Variants in PLEKHA5 observed in about 807,000 individuals in gnomAD.
PLEKHA5 encodes the protein pleckstrin homology domain-containing family A member 5.
In PLEKHA5, 55 loss-of-function variants were observed where a neutral mutation model predicts 181.9. The ratio of observed to expected loss-of-function variants is 0.30; its 90% CI spans 0.24 to 0.38. The LOEUF (loss-of-function observed/expected upper bound fraction) is 0.38. PLEKHA5 is among the 10% of genes least tolerant of loss of function. PLEKHA5 has a pLI of 1.00. For synonymous variants in PLEKHA5, 535 were observed against 529.4 expected, an observed-to-expected ratio of 1.01 and a Z score of -0.15; for missense variants, 1,432 against 1,549.5, an observed-to-expected ratio of 0.92 and a Z score of 1.27.
intron 3 of PLEKHA5, among the ~76,000 whole-genome samples, chr12:19,158,551 G>T (rs2042300491): frequency 6.6e-6 from 1 of 151,908 alleles, no homozygotes; most frequent in South Asian, 2.1e-4. Flanking sequence ...TCCACTGACT[G>T]TGGTTTTCCA....
At chr12:19,163,426 C>G (rs2043461815) in intron 3 of PLEKHA5, among the ~76,000 whole-genome samples, 1 of 152,130 alleles carries the variant, frequency 6.6e-6, no homozygotes, top group Non-Finnish European at 1.5e-5. Flanking sequence ...ATCCGCCCAC[C>G]TCGGCCTACC....
intron 3 of PLEKHA5, among the ~76,000 whole-genome samples, chr12:19,158,009 A>G (rs1005007508): frequency 1.3e-5 from 2 of 152,126 alleles, no homozygotes; most frequent in African/African-American, 4.8e-5. Context: ...TAATACAGCT[A>G]TTGCCATAAA....
intron 3 of PLEKHA5, among the ~76,000 whole-genome samples, chr12:19,199,368 C>T (rs1320594043): frequency 6.6e-6 from 1 of 152,146 alleles, no homozygotes; most frequent in African/African-American, 2.4e-5. Context: ...CATGTAGTGT[C>T]ATTACTTCAT....
intron 3 of PLEKHA5, chr12:19,152,810 T>C (rs1269744968): frequency 6.6e-6 from 1 of 152,150 alleles, no homozygotes; most frequent in Non-Finnish European, 1.5e-5. Context: ...AGGAGTGTAA[T>C]TGAAGTTGTA....
At chr12:19,188,093 G>GA (rs1384290066) in intron 3 of PLEKHA5, among the ~76,000 whole-genome samples, 7 of 152,094 alleles carry the variant, frequency 4.6e-5, no homozygotes, top group African/African-American at 1.2e-4. Flanking sequence ...ATGAAAAATA[G>GA]AAAAAAATGA....
chr12:19,366,701 A>G (rs2095432863), intron 30 of PLEKHA5, among the ~76,000 whole-genome samples: 1 of 152,174 alleles, frequency 6.6e-6, no homozygotes, highest in Admixed American at 6.6e-5. Context: ...ATCTGTTCTC[A>G]GGGCTAGATT....
chr12:19,255,142 C>T lies in PLEKHA5; in HGVS notation c.409C>T (p.His137Tyr), dbSNP rs557635739. The change falls in exon 5 of 32, where the codon CAT becomes TAT. Residue 137 changes from histidine (H) to tyrosine (Y), a missense_variant. His to Tyr is a moderately conservative substitution (Grantham distance 83). This residue lies in a region of PLEKHA5 where 289 missense variants were observed against 381.1 expected (regional missense o/e 0.76). Transcript: ENST00000429027. ...NYNVTSDYAV[H>Y]PMSPVGRTSR... is the part of the protein sequence containing the mutation. ...TAACGTGACTTCAGATTATGCAGTG[C>T]ATCCAATGAGCCCTGTAGGCAGAGT... is the stretch of plus-strand genomic sequence containing the variant. 6.2e-7 allele frequency: 1 copy of T among 1,604,004 alleles called. No individual in the cohort carries two copies. The highest frequency in any genetic ancestry group is 1.1e-5 in the South Asian group (1 of 89,794).
intron 3 of PLEKHA5, among the ~76,000 whole-genome samples, chr12:19,213,326 A>C (rs926910603): frequency 6.6e-6 from 1 of 151,992 alleles, no homozygotes; most frequent in Non-Finnish European, 1.5e-5. Flanking sequence ...ATTGCTAAGC[A>C]GAAAAGCAGG....
chr12:19,169,923 C>T (rs2045504433), intron 3 of PLEKHA5, among the ~76,000 whole-genome samples: 1 of 152,150 alleles, frequency 6.6e-6, no homozygotes, highest in South Asian at 2.1e-4. Flanking sequence ...ATTCCCGACT[C>T]AATGGTGTGC....
At chr12:19,259,089 G>A (rs1248044177) in intron 6 of PLEKHA5, among the ~76,000 whole-genome samples, 1 of 151,792 alleles carries the variant, frequency 6.6e-6, no homozygotes, top group African/African-American at 2.4e-5. Flanking sequence ...TAGTACAGTG[G>A]TTCACGCCTG....
chr12:19,158,147 T>C (rs1277918867), intron 3 of PLEKHA5, among the ~76,000 whole-genome samples: 4 of 151,960 alleles, frequency 2.6e-5, no homozygotes, highest in Non-Finnish European at 4.4e-5. Flanking sequence ...GGTCAGGAGA[T>C]CGAGACCATT....
At chr12:19,152,727 C>T (rs546920185) in intron 3 of PLEKHA5, 5 of 152,158 alleles carry the variant, frequency 3.3e-5, no homozygotes, top group Non-Finnish European at 5.9e-5. Flanking sequence ...GATGAATAAG[C>T]ACTGCACATG....
chr12:19,156,884 AC>A (rs146356929), intron 3 of PLEKHA5, among the ~76,000 whole-genome samples: 12,902 of 118,814 alleles, frequency 0.11, 713 homozygotes, highest in Admixed American at 0.23. Context: ...ATCTCTACTA[AC>A]AAAAAATACC....
intron 25 of PLEKHA5, among the ~76,000 whole-genome samples, chr12:19,349,879 G>C (rs1172551239): frequency 2.0e-5 from 3 of 152,174 alleles, no homozygotes; most frequent in African/African-American, 7.2e-5. Flanking sequence ...TTGGGAGGTG[G>C]AGGCGGGCAG....
chr12:19,292,401 C>G (rs1230688196), intron 15 of PLEKHA5, among the ~76,000 whole-genome samples: 2 of 152,098 alleles, frequency 1.3e-5, no homozygotes, highest in East Asian at 1.9e-4. Flanking sequence ...GCGCAAGACT[C>G]TGTCTTAAAA....
At chr12:19,225,579 A>G (rs1200081966) in intron 3 of PLEKHA5, among the ~76,000 whole-genome samples, 4 of 152,200 alleles carry the variant, frequency 2.6e-5, no homozygotes, top group African/African-American at 9.6e-5. Context: ...GACAGTAGGA[A>G]ACAATCTGTT....
intron 3 of PLEKHA5, among the ~76,000 whole-genome samples, chr12:19,210,971 TAG>T (rs1453791864): frequency 6.6e-6 from 1 of 152,172 alleles, no homozygotes. Flanking sequence ...TGACATTCAA[TAG>T]AGTTACTGCT....
chr12:19,314,463 C>G (rs1286034983), intron 15 of PLEKHA5, among the ~76,000 whole-genome samples: 1 of 151,942 alleles, frequency 6.6e-6, no homozygotes, highest in Admixed American at 6.6e-5. Context: ...CATTTTTCTC[C>G]TGATTGTGTA....
chr12:19,291,935 C>G (rs1242139585), intron 15 of PLEKHA5, among the ~76,000 whole-genome samples: 1 of 152,140 alleles, frequency 6.6e-6, no homozygotes, highest in African/African-American at 2.4e-5. Context: ...AATTGAGGGC[C>G]TAAATTCTCT....
Sources: gnomAD v4.1 joint callset for allele counts (sites outside exome capture counted in the v4.1 genomes callset) on GRCh38, gnomAD v4.1.1 for gene constraint, gnomAD v4.1.1 regional missense constraint, MANE v1.5 for transcripts, NCBI Gene and HGNC (gene_info 2026-07-23, HGNC 2026-07-21) for gene names.